RREB1: variants seen among roughly 807,000 people sequenced by gnomAD.
RREB1 encodes ras responsive element binding protein 1, also known as ras-responsive element-binding protein 1.
A neutral mutation model predicts 117.8 loss-of-function variants in RREB1; 27 were observed. That is an observed-to-expected ratio of 0.23 (90% confidence interval 0.17 to 0.32). The LOEUF is 0.32. Ranked by LOEUF, RREB1 falls within the 10% of genes least tolerant of loss-of-function variation. The pLI is 1.00. For missense variants in RREB1, 2,577 were observed against 2,378.2 expected, an observed-to-expected ratio of 1.08 and a Z score of -1.74; for synonymous variants, 1,298 against 1,026.7, an observed-to-expected ratio of 1.26 and a Z score of -5.05.
At chr6:7,124,578 A>G (rs996769678) in intron 1 of RREB1, among the ~76,000 whole-genome samples, 2 of 152,138 alleles carry the variant, frequency 1.3e-5, no homozygotes, top group African/African-American at 4.8e-5. Context: ...AAATAAGTTC[A>G]ACTCCCAGCA....
intron 8 of RREB1, among the ~76,000 whole-genome samples, chr6:7,224,503 T>A (rs1330191452): frequency 6.6e-6 from 1 of 151,586 alleles, no homozygotes; most frequent in East Asian, 1.9e-4. Flanking sequence ...GCAATTGAAC[T>A]TGAGCATGGG....
intron 1 of RREB1, among the ~76,000 whole-genome samples, chr6:7,158,815 A>C (rs960103887): frequency 1.3e-5 from 2 of 152,076 alleles, no homozygotes; most frequent in African/African-American, 4.8e-5. Flanking sequence ...TTCACCCCCA[A>C]ATCATTTGAA....
At chr6:7,123,011 C>G (rs909231515) in intron 1 of RREB1, among the ~76,000 whole-genome samples, 1 of 152,172 alleles carries the variant, frequency 6.6e-6, no homozygotes, top group African/African-American at 2.4e-5. Flanking sequence ...TTACCTTAAA[C>G]ATTTGTGTTT....
Position 7,187,540 on chromosome 6 carries a change from C to T in RREB1, c.261+17C>T. On this transcript the variant is annotated intron_variant, in intron 5 of 12. Coordinates refer to ENST00000379938, the MANE Select transcript of RREB1 (RefSeq NM_001003699.4). ...ATTCGCCAGGTAGATTCCCACTGTT[C>T]TTTTATTTTATTTTATTTTATTTTA... 1 of 847,534 alleles carries T rather than the reference C, an allele frequency of 1.2e-6. No individual in the cohort carries two copies. The highest frequency in any genetic ancestry group is 1.7e-6 in the Non-Finnish European group (1 of 605,420). The allele number at this position is 847,534 out of a possible 1,614,324, so 52.5% of individuals were successfully genotyped here. A position where few individuals can be genotyped will look rare whatever the true frequency, so the allele number is the denominator to read the frequency against.
In RREB1 at chr6:7,130,929, CTTTTTTTT is replaced by C. The variant is rs61305060; in HGVS notation, c.-285+22889_-285+22896del. On this transcript the variant is annotated intron_variant, in intron 1 of 12. Coordinates refer to ENST00000379938, the MANE Select transcript of RREB1 (RefSeq NM_001003699.4). ...TGCTCCTGACTGTTAATAGTCATGT[CTTTTTTTT>C]TTTTTTTTTTTTTTTTTTTGAGACG... is the stretch of plus-strand genomic sequence containing the variant. Among the ~76,000 whole-genome samples the C allele has an allele frequency of 1.7e-4, 8 of 45,758 alleles. No homozygotes were observed. The East Asian group carries it at 5.1e-3, about 29-fold the overall frequency. 30.0% of individuals were successfully genotyped at this position (45,758 alleles called of 152,430 possible).
chr6:7,113,054 G>T (rs1424782321), intron 1 of RREB1, among the ~76,000 whole-genome samples: 1 of 152,252 alleles, frequency 6.6e-6, no homozygotes, highest in African/African-American at 2.4e-5. Flanking sequence ...TCAGACGAAA[G>T]CATGGGAGAG....
At chr6:7,188,751 C>T (rs76351459) in intron 5 of RREB1, among the ~76,000 whole-genome samples, 24 of 152,266 alleles carry the variant, frequency 1.6e-4, no homozygotes, top group African/African-American at 3.4e-4. Flanking sequence ...CTTTCTCTGA[C>T]GGCAGGCCTG....
intron 8 of RREB1, among the ~76,000 whole-genome samples, chr6:7,222,853 C>T (rs1767342855): frequency 6.6e-6 from 1 of 152,026 alleles, no homozygotes. Context: ...ATCTAATTGC[C>T]ATATTAAGAG....
intron 1 of RREB1, 98 bp downstream of exon 1, chr6:7,108,158 G>A (rs936353064): frequency 6.6e-6 from 1 of 152,180 alleles, no homozygotes; most frequent in Non-Finnish European, 1.5e-5. Flanking sequence ...TTGGGGATGG[G>A]GAGGGTGAAG....
intron 1 of RREB1, among the ~76,000 whole-genome samples, chr6:7,118,693 C>T (rs1482887600): frequency 6.6e-6 from 1 of 151,808 alleles, no homozygotes; most frequent in Non-Finnish European, 1.5e-5. Context: ...CTTAATAAGG[C>T]TTCACAACCT....
chr6:7,123,609 T>TC (rs1761775030), intron 1 of RREB1, among the ~76,000 whole-genome samples: 1 of 111,564 alleles, frequency 9.0e-6, no homozygotes, highest in Non-Finnish European at 2.1e-5. Context: ...ATGTGATGTG[T>TC]CTTTTTTTTT....
chr6:7,205,318 G>A (rs1262787521), intron 6 of RREB1, among the ~76,000 whole-genome samples: 2 of 152,326 alleles, frequency 1.3e-5, no homozygotes, highest in African/African-American at 2.4e-5. Context: ...AGCCTACAGA[G>A]TGAACACTGG....
At position 7,248,704 on chromosome 6, in the gene RREB1, C is replaced by T. The variant is rs566828869; in HGVS notation, c.4965C>T (p.Asn1655=). The T allele has an allele frequency of 1.1e-5, 17 of 1,614,024 alleles. No individual in the cohort carries two copies. The highest frequency in any genetic ancestry group is 1.4e-5 in the Non-Finnish European group (16 of 1,180,038). ...THSGNNAVSE[N]EAELAPNASN... ...GCGGCAACAACGCCGTCTCAGAGAA[C>T]GAGGCTGAGCTGGCTCCCAATGCCA... is the stretch of plus-strand genomic sequence containing the variant. Residue 1655 remains asparagine, a synonymous_variant, in exon 13 of 13, where the codon AAC becomes AAT. Coordinates refer to ENST00000379938, the MANE Select transcript of RREB1 (RefSeq NM_001003699.4).
chr6:7,133,239 T>C (rs1417088018), intron 1 of RREB1, among the ~76,000 whole-genome samples: 1 of 152,168 alleles, frequency 6.6e-6, no homozygotes. Flanking sequence ...AACTCTGGAC[T>C]TGCATGTCAC....
intron 8 of RREB1, among the ~76,000 whole-genome samples, chr6:7,221,889 C>T (rs1361585368): frequency 6.6e-6 from 1 of 152,176 alleles, no homozygotes; most frequent in Non-Finnish European, 1.5e-5. Flanking sequence ...TTAGCTAAAA[C>T]GTGCCAGGAA....
intron 1 of RREB1, among the ~76,000 whole-genome samples, chr6:7,151,776 A>G (rs537838247): frequency 6.6e-6 from 1 of 152,336 alleles, no homozygotes; most frequent in Admixed American, 6.5e-5. Context: ...AGTTCTCACA[A>G]ATCAATTACT....
At chr6:7,165,477 C>G (rs1434968373) in intron 1 of RREB1, among the ~76,000 whole-genome samples, 1 of 152,206 alleles carries the variant, frequency 6.6e-6, no homozygotes, top group African/African-American at 2.4e-5. Flanking sequence ...TTCTGAGAAG[C>G]AGGACTTGGT....
chr6:7,181,470 T>G (rs564527014), intron 3 of RREB1: 8 of 421,452 alleles, frequency 1.9e-5, no homozygotes, highest in Non-Finnish European at 3.3e-5. Context: ...CATCACTAGT[T>G]TTAGGTCTGG....
rs189299057 is a variant in RREB1 at position 7,171,647 on chromosome 6, G to A, written c.-284-5008G>A. Among the ~76,000 whole-genome samples, 47 of 152,342 alleles carry A rather than the reference G, an allele frequency of 3.1e-4. 1 individual carries two copies. Among genetic ancestry groups the A allele is most frequent in the Admixed American group, 1.0e-3 (16 of 15,310 alleles). On this transcript the variant is annotated intron_variant, in intron 1 of 12. Transcript: ENST00000379938. ...GTTGTTTTGAGGATTAAATGAGACAGTGCATGTGGCACATGGTGCTCAAAA... is the reference window on the plus strand; with the variant it reads ...GTTGTTTTGAGGATTAAATGAGACAATGCATGTGGCACATGGTGCTCAAAA...
Sources: allele counts gnomAD v4.1 joint callset (sites outside exome capture counted in the v4.1 genomes callset), GRCh38; gene constraint gnomAD v4.1.1; transcripts MANE v1.5; gene names NCBI Gene and HGNC (gene_info 2026-07-23, HGNC 2026-07-21).